SPPL2A: variants seen among roughly 807,000 people sequenced by gnomAD.
SPPL2A encodes the protein signal peptide peptidase-like 2A.
In SPPL2A, 51 loss-of-function variants were observed where a neutral mutation model predicts 63.8. The ratio of observed to expected loss-of-function variants is 0.80; its 90% CI spans 0.64 to 1.01. SPPL2A has a LOEUF of 1.01. SPPL2A is among the 50% of genes least tolerant of loss of function. SPPL2A has a pLI of 0.00. For missense variants in SPPL2A, 553 were observed against 622.7 expected, an observed-to-expected ratio of 0.89 and a Z score of 1.19; for synonymous variants, 188 against 205.8, an observed-to-expected ratio of 0.91 and a Z score of 0.74.
rs1196710672 is a variant in SPPL2A at position 50,703,356 on chromosome 15, A to ATATATATTTTTT, written c.*4443_*4444insAAAAAATATATA. 1 of 62,042 alleles carries ATATATATTTTTT rather than the reference A, an allele frequency of 1.6e-5. No homozygotes were observed. The highest frequency in any genetic ancestry group is 7.0e-5 in the African/African-American group (1 of 14,240). 3.8% of individuals were successfully genotyped at this position (62,042 alleles called of 1,614,324 possible). On this transcript the variant is annotated 3_prime_UTR_variant, in exon 15 of 15. Transcript: ENST00000261854. ...TATATATATATATATACATATATAT[A>ATATATATTTTTT]TTTTTTTTTTTTTTTTTTTTTTTTG...
intron 8 of SPPL2A, 38 bp downstream of exon 8, chr15:50,736,063 A>G (rs1245736771): frequency 6.9e-6 from 9 of 1,296,954 alleles, no homozygotes; most frequent in Non-Finnish European, 5.6e-6. Flanking sequence ...GAAACAATTC[A>G]TCCTTAATCT....
At chr15:50,724,401 CCA>C (rs2062670563) in intron 12 of SPPL2A, among the ~76,000 whole-genome samples, 1 of 151,972 alleles carries the variant, frequency 6.6e-6, no homozygotes, top group Admixed American at 6.6e-5. Context: ...ACGGTGAAAC[CCA>C]GTCTTTACTA....
In SPPL2A at chr15:50,707,135, T is replaced by C. The variant is rs12912841; in HGVS notation, c.*665A>G. ...ATATAATTTGCATAAATCTTTTTTT[T>C]TGGGATGGAGTCTCACTCTGTCGCC... On this transcript the variant is annotated 3_prime_UTR_variant, in exon 15 of 15. Transcript: ENST00000261854. 6 of 152,114 alleles carry C rather than the reference T, an allele frequency of 3.9e-5. No individual in the cohort carries two copies. The highest frequency in any genetic ancestry group is 1.9e-4 in the East Asian group (1 of 5,188). 9.4% of individuals were successfully genotyped at this position (152,114 alleles called of 1,614,324 possible). A position where few individuals can be genotyped will look rare whatever the true frequency, so the allele number is the denominator to read the frequency against.
intron 1 of SPPL2A, among the ~76,000 whole-genome samples, chr15:50,758,579 C>T (rs2062981239): frequency 6.6e-6 from 1 of 151,998 alleles, no homozygotes; most frequent in Non-Finnish European, 1.5e-5. Flanking sequence ...CTGCCTGCCT[C>T]AGCCTCCCAA....
At position 50,707,218 on chromosome 15, in the gene SPPL2A, A is replaced by G. The variant is rs1459439362; in HGVS notation, c.*582T>C. On this transcript the variant is annotated 3_prime_UTR_variant, in exon 15 of 15. Transcript: ENST00000261854. ...ACTGCAAGCTCCACTTCCCGGGTTC[A>G]CGCCATTCTCCTGTCTCAGCCTTCC... is the stretch of plus-strand genomic sequence containing the variant. 6.6e-6 allele frequency: 1 copy of G among 152,128 alleles called. No individual in the cohort carries two copies. The highest frequency in any genetic ancestry group is 1.5e-5 in the Non-Finnish European group (1 of 68,072). The allele number at this position is 152,128 out of a possible 1,614,324, so 9.4% of individuals were successfully genotyped here.
intron 1 of SPPL2A, among the ~76,000 whole-genome samples, chr15:50,750,085 T>C (rs1202804571): frequency 6.6e-6 from 1 of 152,214 alleles, no homozygotes; most frequent in Non-Finnish European, 1.5e-5. Context: ...CAATCTCCTA[T>C]GAATTATTAC....
At chr15:50,764,266 T>C (rs931238439) in intron 1 of SPPL2A, among the ~76,000 whole-genome samples, 2 of 152,232 alleles carry the variant, frequency 1.3e-5, no homozygotes, top group African/African-American at 4.8e-5. Flanking sequence ...GAATATCTTT[T>C]GGACATAAGT....
chr15:50,716,066 G>C (rs2062596863), intron 14 of SPPL2A, among the ~76,000 whole-genome samples: 1 of 152,132 alleles, frequency 6.6e-6, no homozygotes, highest in Non-Finnish European at 1.5e-5. Flanking sequence ...CATTTATCCA[G>C]AGAAGGCACA....
At chr15:50,715,166 T>C (rs2062591342) in intron 14 of SPPL2A, among the ~76,000 whole-genome samples, 1 of 151,982 alleles carries the variant, frequency 6.6e-6, no homozygotes, top group Admixed American at 6.6e-5. Flanking sequence ...GCTACTTTTT[T>C]CTTGTATTTT....
At chr15:50,734,373 G>A (rs1370690173) in intron 8 of SPPL2A, among the ~76,000 whole-genome samples, 1 of 152,088 alleles carries the variant, frequency 6.6e-6, no homozygotes, top group Non-Finnish European at 1.5e-5. Context: ...GACATGGATG[G>A]AACTGAAGAC....
intron 1 of SPPL2A, among the ~76,000 whole-genome samples, chr15:50,752,640 C>T (rs1384466152): frequency 1.3e-5 from 2 of 151,852 alleles, no homozygotes; most frequent in Non-Finnish European, 2.9e-5. Flanking sequence ...ATTGCTTGAA[C>T]CTGGGTAGTG....
chr15:50,747,728 A>C (rs1471618620), intron 4 of SPPL2A, 100 bp from the exon 5 acceptor site: 1 of 808,118 alleles, frequency 1.2e-6, no homozygotes, highest in Admixed American at 2.5e-5. Context: ...GACATTATAC[A>C]TCAGACAGTC....
chr15:50,745,055 G>T (rs7183014), intron 5 of SPPL2A, among the ~76,000 whole-genome samples: 38,086 of 152,128 alleles, frequency 0.25, 5,731 homozygotes, highest in East Asian at 0.55. Flanking sequence ...TCTGGTGTAT[G>T]AATTTATGGC....
chr15:50,748,116 G>A lies in SPPL2A; in HGVS notation c.447C>T (p.Asn149=). 1 of 1,344,804 alleles carries A rather than the reference G, an allele frequency of 7.4e-7. No homozygotes were observed. The highest frequency in any genetic ancestry group is 1.0e-6 in the Non-Finnish European group (1 of 992,870). 83.3% of individuals were successfully genotyped at this position (1,344,804 alleles called of 1,614,324 possible). Reference sequence around the variant, plus strand: ...TAATATGTAATTGCTAATTTACCTGGTTCATATCTCTAAAGTCTTTGTAGC... The same window carrying A: ...TAATATGTAATTGCTAATTTACCTGATTCATATCTCTAAAGTCTTTGTAGC... The part of the protein sequence containing the change: ...FISYKDFRDM[N]QTLGDNITVK... The change falls in exon 4 of 15, where the codon AAC becomes AAT. Residue 149 remains asparagine (N), a synonymous_variant. Transcript: ENST00000261854.
chr15:50,761,889 G>A (rs138199520), intron 1 of SPPL2A, among the ~76,000 whole-genome samples: 142 of 151,716 alleles, frequency 9.4e-4, no homozygotes, highest in African/African-American at 3.3e-3. Flanking sequence ...CCGAGATAAG[G>A]CCACTGCAAT....
At position 50,707,708 on chromosome 15, in the gene SPPL2A, ACT is replaced by A. The variant is rs2141014784; in HGVS notation, c.*90_*91del. ...TATTTTTGCAAGCATATCATTGAAG[ACT>A]CTTTCAGATTGTCAATTCAAAAGTC... On this transcript the variant is annotated 3_prime_UTR_variant, in exon 15 of 15. Transcript: ENST00000261854. The A allele has an allele frequency of 2.9e-6, 2 of 699,246 alleles. No individual in the cohort carries two copies. Among genetic ancestry groups the A allele is most frequent in the East Asian group, 5.0e-5 (2 of 39,762 alleles). The allele number at this position is 699,246 out of a possible 1,614,324, so 43.3% of individuals were successfully genotyped here.
At chr15:50,721,523 T>C (rs1025900473) in intron 13 of SPPL2A, among the ~76,000 whole-genome samples, 3 of 152,030 alleles carry the variant, frequency 2.0e-5, no homozygotes, top group Non-Finnish European at 4.4e-5. Context: ...CTTGACCTCT[T>C]GGGCTTAAGC....
At chr15:50,712,558 G>C (rs949223131) in intron 14 of SPPL2A, among the ~76,000 whole-genome samples, 1 of 151,806 alleles carries the variant, frequency 6.6e-6, no homozygotes, top group Non-Finnish European at 1.5e-5. Flanking sequence ...AGAAGTCTCT[G>C]CCTAGCCTTA....
chr15:50,743,278 T>C (rs12592851), intron 5 of SPPL2A: 37,782 of 151,760 alleles, frequency 0.25, 5,608 homozygotes, highest in East Asian at 0.55. Context: ...CTCAAAAAAA[T>C]AAAACACACA....
Sources: gnomAD v4.1 joint callset for allele counts (sites outside exome capture counted in the v4.1 genomes callset) on GRCh38, gnomAD v4.1.1 for gene constraint, MANE v1.5 for transcripts, NCBI Gene and HGNC (gene_info 2026-07-23, HGNC 2026-07-21) for gene names.